The following DLX3 variants were observed in gnomAD, a reference collection of about 807,000 sequenced individuals.
DLX3 encodes distal-less homeobox 3.
In DLX3, 9 loss-of-function variants were observed where a neutral mutation model predicts 28.0. The ratio of observed to expected loss-of-function variants is 0.32; its 90% CI spans 0.19 to 0.56. The LOEUF is 0.56. Among genes scored for constraint, DLX3 ranks in the 20% least tolerant of loss-of-function variants. The pLI, the probability that DLX3 is intolerant of heterozygous loss-of-function variation, is 0.91. For synonymous variants in DLX3, 154 were observed against 167.9 expected (o/e 0.92, Z 0.64); for missense variants, 313 against 378.2 (o/e 0.83, Z 1.43).
At position 49,994,659 on chromosome 17, in the gene DLX3, C is replaced by T. The variant is rs1207119781; in HGVS notation, c.325+15G>A. 8 of 1,614,004 alleles carry T rather than the reference C, an allele frequency of 5.0e-6. No individual in the cohort carries two copies. The highest frequency in any genetic ancestry group is 6.8e-6 in the Non-Finnish European group (8 of 1,179,986). ...CCAGTGTCTCCCACTGTCCTCGCGA[C>T]CCCGTGGCCCTCACCTGGGTCCTGG... On this transcript the variant is annotated intron_variant, in intron 1 of 2. Coordinates refer to ENST00000434704, the MANE Select transcript of DLX3 (RefSeq NM_005220.3).
chr17:49,991,738 G>T lies in DLX3; in HGVS notation c.643C>A (p.Leu215Ile). ...MACNSPPSPA[L>I]WDTSSHSTPA... ...GTGGAGTGGGAAGAGGTGTCCCAGA[G>T]GGCGGGTGATGGTGGTGAGTTGCAG... Residue 215 changes from leucine (L) to isoleucine (I), a missense_variant, in exon 3 of 3, where the codon CTC (leucine) becomes ATC (isoleucine). This residue lies in a region of DLX3 where 120 missense variants were observed against 145.4 expected (regional missense o/e 0.83). Transcript: ENST00000434704. 4 of 1,614,098 alleles carry T rather than the reference G, an allele frequency of 2.5e-6. No individual in the cohort carries two copies. The highest frequency in any genetic ancestry group is 3.4e-6 in the Non-Finnish European group (4 of 1,179,994).
At position 49,995,088 on chromosome 17, in the gene DLX3, G is replaced by A. The variant is rs1906231182; in HGVS notation, c.-90C>T. The A allele has an allele frequency of 4.0e-6, 6 of 1,496,950 alleles. No individual in the cohort carries two copies. The highest frequency in any genetic ancestry group is 1.9e-5 in the Admixed American group (1 of 51,800). 92.7% of individuals were successfully genotyped at this position (1,496,950 alleles called of 1,614,324 possible). On this transcript the variant is annotated 5_prime_UTR_variant, in exon 1 of 3. Transcript: ENST00000434704. Reference sequence around the variant, plus strand: ...AGAGAGGCGGAAGAGACGAGGCAGGGGTGTGTGTCCAGAAGGCGAAGGGAG... The same window carrying A: ...AGAGAGGCGGAAGAGACGAGGCAGGAGTGTGTGTCCAGAAGGCGAAGGGAG...
chr17:49,993,680 G>A, intron 1 of DLX3, 90 bp from the exon 2 acceptor site: 1 of 1,442,854 alleles, frequency 6.9e-7, no homozygotes, highest in Admixed American at 2.1e-5. Flanking sequence ...GACGCCCCTC[G>A]CTTCCGCCCA....
intron 2 of DLX3, 58 bp downstream of exon 2, chr17:49,993,342 G>C (rs1012512772): frequency 1.3e-6 from 2 of 1,519,424 alleles, no homozygotes; most frequent in Non-Finnish European, 8.8e-7. Context: ...GCTCGGCAGC[G>C]CGCGGGGAAC....
At chr17:49,993,828 C>T in intron 1 of DLX3, 1 of 237,630 alleles carries the variant, frequency 4.2e-6, no homozygotes, top group Non-Finnish European at 7.8e-6. Flanking sequence ...AGCACTGTCC[C>T]CGGCGCCAGC....
chr17:49,995,160 C>G lies in DLX3; in HGVS notation c.-162G>C. 1.2e-6 allele frequency: 1 copy of G among 846,370 alleles called. No individual in the cohort carries two copies. The allele number at this position is 846,370 out of a possible 1,614,324, so 52.4% of individuals were successfully genotyped here. A position where few individuals can be genotyped will look rare whatever the true frequency, so the allele number is the denominator to read the frequency against. ...AGGGGGAGGCCGAGAGGCGCTTACA[C>G]CATTGCCTGCCGTCAGGCGGTCGCT... is the stretch of plus-strand genomic sequence containing the variant. On this transcript the variant is annotated 5_prime_UTR_variant, in exon 1 of 3. Coordinates refer to ENST00000434704, the MANE Select transcript of DLX3 (RefSeq NM_005220.3).
At position 49,991,475 on chromosome 17, in the gene DLX3, G is replaced by C. The variant is rs1598154156; in HGVS notation, c.*42C>G. The C allele has an allele frequency of 6.6e-7, 1 of 1,525,956 alleles. No individual in the cohort carries two copies. The allele number at this position is 1,525,956 out of a possible 1,614,324, so 94.5% of individuals were successfully genotyped here. On this transcript the variant is annotated 3_prime_UTR_variant, in exon 3 of 3. Transcript: ENST00000434704. Reference sequence around the variant, plus strand: ...GCTAGGACGGAGGCGCCTTCTGCCTGGTCCTGGGGTCCTTTGTCAAGGGTG... The same window carrying C: ...GCTAGGACGGAGGCGCCTTCTGCCTCGTCCTGGGGTCCTTTGTCAAGGGTG...
rs35795438 is a variant in DLX3 at position 49,990,104 on chromosome 17, T to TC, written c.*1412dup. The TC allele has an allele frequency of 4.6e-5, 7 of 152,024 alleles. No individual in the cohort carries two copies. The highest frequency in any genetic ancestry group is 2.4e-5 in the African/African-American group (1 of 41,218). The allele number at this position is 152,024 out of a possible 1,614,324, so 9.4% of individuals were successfully genotyped here. ...GGGGGTGGGAGATGGCTTTGCTTCT[T>TC]CCCCCCCGGGTGGGACTCTTGGAGA... On this transcript the variant is annotated 3_prime_UTR_variant, in exon 3 of 3. Transcript: ENST00000434704.
At chr17:49,994,591 A>G in intron 1 of DLX3, 83 bp downstream of exon 1, 1 of 1,498,568 alleles carries the variant, frequency 6.7e-7, no homozygotes, top group Non-Finnish European at 9.2e-7. Context: ...GTTTTCCTAG[A>G]TTTTGGCTTC....
rs972401275 is a variant in DLX3, at chr17:49,991,040, C to A, written c.*477G>T. ...CTGTCTTATTGGCCGAGGGGCCGCT[C>A]GAGCAGGGGGAGACCACCAGAGGCT... On this transcript the variant is annotated 3_prime_UTR_variant, in exon 3 of 3. Transcript: ENST00000434704. 6.1e-6 allele frequency: 1 copy of A among 164,454 alleles called. No individual in the cohort carries two copies. Among genetic ancestry groups the A allele is most frequent in the Non-Finnish European group, 1.3e-5 (1 of 74,532 alleles). The allele number at this position is 164,454 out of a possible 1,614,324, so 10.2% of individuals were successfully genotyped here.
intron 2 of DLX3, among the ~76,000 whole-genome samples, chr17:49,992,493 A>G (rs910052797): frequency 2.6e-5 from 4 of 152,172 alleles, no homozygotes; most frequent in African/African-American, 9.7e-5. Context: ...TCAGGTGTGG[A>G]GAAGTTCTCC....
At chr17:49,993,314 C>CCTT in intron 2 of DLX3, 86 bp downstream of exon 2, 1 of 1,408,312 alleles carries the variant, frequency 7.1e-7, no homozygotes, top group Non-Finnish European at 9.6e-7. Flanking sequence ...CCCGCAGGGC[C>CCTT]CTTCAGTGGC....
intron 2 of DLX3, among the ~76,000 whole-genome samples, chr17:49,992,523 G>A (rs969509511): frequency 6.6e-6 from 1 of 152,172 alleles, no homozygotes; most frequent in Non-Finnish European, 1.5e-5. Context: ...GCTGGATAAT[G>A]GGGGTGACCT....
rs756453905 is a variant in DLX3, at chr17:49,991,770, G to A, written c.611C>T (p.Ser204Phe). The A allele has an allele frequency of 4.3e-6, 7 of 1,614,134 alleles. No homozygotes were observed. The highest frequency in any genetic ancestry group is 5.9e-6 in the Non-Finnish European group (7 of 1,180,008). Reference sequence around the variant, plus strand: ...TGATGGTGGTGAGTTGCAGGCCATGGAATCACTGTTATTGGGACTGTGCTC... The same window carrying A: ...TGATGGTGGTGAGTTGCAGGCCATGAAATCACTGTTATTGGGACTGTGCTC... Reference protein sequence around the residue: ...PLEHSPNNSDSMACNSPPSPA... With the variant: ...PLEHSPNNSDFMACNSPPSPA... The change falls in exon 3 of 3, where the codon TCC (serine) becomes TTC (phenylalanine). Residue 204 changes from serine (S) to phenylalanine (F), a missense_variant. Ser to Phe is a radical substitution (Grantham distance 155). Around this residue, in one of 3 missense-constraint regions of DLX3, gnomAD observed 120 missense variants for 145.4 expected, o/e 0.83. Coordinates refer to ENST00000434704, the MANE Select transcript of DLX3 (RefSeq NM_005220.3).
chr17:49,991,304 C>T lies in DLX3; in HGVS notation c.*213G>A, dbSNP rs963425082. On this transcript the variant is annotated 3_prime_UTR_variant, in exon 3 of 3. Coordinates refer to ENST00000434704, the MANE Select transcript of DLX3 (RefSeq NM_005220.3). The stretch of plus-strand genomic sequence containing the variant: ...TGTCCCCACATCTGGAGGGGTACCC[C>T]AGTGTCTAGGCAGAGGGAGGGAGGT... 1.6e-5 allele frequency: 9 copies of T among 563,664 alleles called. No homozygotes were observed. The African/African-American group carries it at 1.7e-4, about 11-fold the overall frequency. 34.9% of individuals were successfully genotyped at this position (563,664 alleles called of 1,614,324 possible).
Position 49,993,218 on chromosome 17 carries a change from G to A in DLX3, c.516+182C>T, listed in dbSNP as rs138888296. On this transcript the variant is annotated intron_variant, in intron 2 of 2. Coordinates refer to ENST00000434704, the MANE Select transcript of DLX3 (RefSeq NM_005220.3). ...CACAGTTGCACGGGTTCACAACTAT[G>A]CTCACTTGTACACGTGCTAACGCAG... Among the ~76,000 whole-genome samples the A allele has an allele frequency of 5.1e-3, 772 of 152,344 alleles. 6 individuals carry two copies. Among genetic ancestry groups the A allele is most frequent in the African/African-American group, 0.018 (729 of 41,570 alleles).
chr17:49,993,875 G>T (rs1019679146), intron 1 of DLX3, among the ~76,000 whole-genome samples: 11 of 152,058 alleles, frequency 7.2e-5, no homozygotes, highest in African/African-American at 2.2e-4. Flanking sequence ...CTTCGCTCAC[G>T]ACGCCTTCCC....
At position 49,995,133 on chromosome 17, in the gene DLX3, G is replaced by A. The variant is rs532523216; in HGVS notation, c.-135C>T. 8.0e-4 allele frequency: 912 copies of A among 1,133,934 alleles called. No individual in the cohort carries two copies. Among genetic ancestry groups the A allele is most frequent in the Non-Finnish European group, 1.1e-3 (883 of 784,282 alleles). 70.2% of individuals were successfully genotyped at this position (1,133,934 alleles called of 1,614,324 possible). ...AGGGAGGACCCGGCCGCGTCTGGGG[G>A]GAGGGGGAGGCCGAGAGGCGCTTAC... On this transcript the variant is annotated 5_prime_UTR_variant, in exon 1 of 3. Coordinates refer to ENST00000434704, the MANE Select transcript of DLX3 (RefSeq NM_005220.3).
intron 1 of DLX3, among the ~76,000 whole-genome samples, chr17:49,994,191 C>G (rs1197444607): frequency 6.6e-6 from 1 of 151,170 alleles, no homozygotes; most frequent in African/African-American, 2.4e-5. Context: ...TTTTCAGCTT[C>G]TCTGCCTCTC....
Sources: allele counts gnomAD v4.1 joint callset (sites outside exome capture counted in the v4.1 genomes callset), GRCh38; gene constraint gnomAD v4.1.1; regional missense constraint gnomAD v4.1.1; transcripts MANE v1.5; gene names NCBI Gene and HGNC (gene_info 2026-07-23, HGNC 2026-07-21).